The following SCN2A variants were observed in gnomAD, a reference collection of about 807,000 sequenced individuals.
The protein encoded by SCN2A is sodium channel protein type 2 subunit alpha.
A neutral mutation model predicts 188.7 loss-of-function variants in SCN2A; 20 were observed. The ratio of observed to expected loss-of-function variants is 0.11; its 90% confidence interval spans 0.07 to 0.15. SCN2A has a LOEUF of 0.15. SCN2A is among the 10% of genes least tolerant of loss of function. The pLI is 1.00. For missense variants in SCN2A, 1,278 were observed against 2,445.0 expected (o/e 0.52, Z 10.07); for synonymous variants, 804 against 833.1 (o/e 0.97, Z 0.60).
intron 16 of SCN2A, among the ~76,000 whole-genome samples, chr2:165,350,464 C>CTTTCTTTTTTTTTTTTTTT: frequency 1.4e-5 from 1 of 73,848 alleles, no homozygotes; most frequent in Non-Finnish European, 2.5e-5. Flanking sequence ...TGTTTTCTTT[C>CTTTCTTTTTTTTTTTTTTT]TTTTTTTTTT....
intron 3 of SCN2A, among the ~76,000 whole-genome samples, chr2:165,303,889 T>C (rs1696976906): frequency 6.6e-6 from 1 of 152,170 alleles, no homozygotes; most frequent in South Asian, 2.1e-4. Flanking sequence ...AGTGACTAAT[T>C]AGAAAATAAT....
Position 165,239,563 on chromosome 2 carries a change from G to A in SCN2A, c.-129G>A. On this transcript the variant is annotated 5_prime_UTR_variant, in exon 1 of 27. Coordinates refer to ENST00000375437, the MANE Select transcript of SCN2A (RefSeq NM_001040142.2). ...TACTTTCTACTCCAGTAAAAATTCT[G>A]AAGAATTGCATTGGAGACTGTTATA... 1 of 918,860 alleles carries A rather than the reference G, an allele frequency of 1.1e-6. No individual in the cohort carries two copies. Among genetic ancestry groups the A allele is most frequent in the Non-Finnish European group, 1.3e-6 (1 of 769,494 alleles). 56.9% of individuals were successfully genotyped at this position (918,860 alleles called of 1,614,324 possible). A position where few individuals can be genotyped will look rare whatever the true frequency, so the allele number is the denominator to read the frequency against.
intron 11 of SCN2A, among the ~76,000 whole-genome samples, chr2:165,316,268 G>A (rs530063907): frequency 1.6e-4 from 25 of 152,156 alleles, no homozygotes; most frequent in Non-Finnish European, 3.5e-4. Context: ...CTCTCAGATA[G>A]GCAGGTACTG....
chr2:165,305,763 A>G (rs1205062615), intron 3 of SCN2A, among the ~76,000 whole-genome samples: 1 of 152,216 alleles, frequency 6.6e-6, no homozygotes, highest in Non-Finnish European at 1.5e-5. Flanking sequence ...GGCTGAATAT[A>G]TGATAGATAT....
chr2:165,283,952 A>G (rs1431081361), intron 1 of SCN2A, among the ~76,000 whole-genome samples: 1 of 152,098 alleles, frequency 6.6e-6, no homozygotes. Flanking sequence ...ACAAATCAAG[A>G]AGCCAGTAGT....
At chr2:165,311,705 A>G (rs1409372476) in intron 7 of SCN2A, among the ~76,000 whole-genome samples, 1 of 152,142 alleles carries the variant, frequency 6.6e-6, no homozygotes, top group Non-Finnish European at 1.5e-5. Context: ...GCCCAGCAAT[A>G]GACTGGCAGC....
chr2:165,367,459 T>A, intron 19 of SCN2A, 88 bp downstream of exon 19: 1 of 1,405,046 alleles, frequency 7.1e-7, no homozygotes, highest in Non-Finnish European at 1.0e-6. Flanking sequence ...ACTTTTAAAT[T>A]AAGGTGTTTG....
At chr2:165,273,881 G>T (rs1695211997) in intron 1 of SCN2A, 1 of 152,104 alleles carries the variant, frequency 6.6e-6, no homozygotes, top group Non-Finnish European at 1.5e-5. Context: ...GGGGGAGACG[G>T]TAAGTTTTTC....
intron 1 of SCN2A, among the ~76,000 whole-genome samples, chr2:165,254,192 CT>C (rs1375424281): frequency 1.3e-5 from 2 of 151,520 alleles, no homozygotes; most frequent in Non-Finnish European, 3.0e-5. Context: ...TGTTAGATGA[CT>C]TTTAAGCATC....
intron 17 of SCN2A, among the ~76,000 whole-genome samples, chr2:165,358,094 T>C (rs1005946306): frequency 6.6e-6 from 1 of 152,232 alleles, no homozygotes; most frequent in African/African-American, 2.4e-5. Context: ...GAAATTTTAT[T>C]CAATGAAAAG....
chr2:165,362,838 A>G (rs1700533972), intron 17 of SCN2A, among the ~76,000 whole-genome samples: 1 of 152,118 alleles, frequency 6.6e-6, no homozygotes, highest in Admixed American at 6.6e-5. Context: ...AAGGTTGGTG[A>G]ATAGCCTAGG....
intron 1 of SCN2A, among the ~76,000 whole-genome samples, chr2:165,291,528 C>CTTTCTTTCTTT (rs1559340566): frequency 0.048 from 1,318 of 27,236 alleles, 40 homozygotes; most frequent in Admixed American, 0.1. Context: ...TCCTTTCTTT[C>CTTTCTTTCTTT]CTTCCTTCCT....
chr2:165,256,005 T>TTTTTC (rs1553557660), intron 1 of SCN2A, among the ~76,000 whole-genome samples: 13 of 139,686 alleles, frequency 9.3e-5, no homozygotes, highest in Admixed American at 6.5e-4. Context: ...CTTTTCTTTT[T>TTTTTC]TTTTTTTTTT....
intron 19 of SCN2A, among the ~76,000 whole-genome samples, chr2:165,369,816 A>G (rs990639286): frequency 2.6e-5 from 4 of 152,138 alleles, no homozygotes; most frequent in African/African-American, 9.7e-5. Flanking sequence ...AATGAGACCA[A>G]TCTACTCCCA....
chr2:165,276,344 T>C (rs920589226), intron 1 of SCN2A, among the ~76,000 whole-genome samples: 5 of 152,188 alleles, frequency 3.3e-5, no homozygotes, highest in African/African-American at 1.2e-4. Flanking sequence ...TCCAAAGTTA[T>C]TGGGCCATAG....
intron 1 of SCN2A, among the ~76,000 whole-genome samples, chr2:165,254,597 T>C (rs1694238756): frequency 6.6e-6 from 1 of 151,758 alleles, no homozygotes; most frequent in Non-Finnish European, 1.5e-5. Context: ...AAAGTGGTTT[T>C]GCATATTTCT....
At chr2:165,290,031 T>C (rs1304871461) in intron 1 of SCN2A, among the ~76,000 whole-genome samples, 1 of 152,160 alleles carries the variant, frequency 6.6e-6, no homozygotes, top group East Asian at 1.9e-4. Flanking sequence ...TGAGAACTTA[T>C]TTGTATTTTA....
chr2:165,381,563 G>A (rs1011133304), intron 25 of SCN2A, among the ~76,000 whole-genome samples: 1 of 151,936 alleles, frequency 6.6e-6, no homozygotes, highest in Non-Finnish European at 1.5e-5. Flanking sequence ...AGAGGAGACA[G>A]ATCGGAATAA....
In SCN2A at chr2:165,342,452, C is replaced by T; in HGVS notation, c.2545C>T (p.Leu849Phe). Residue 849 changes from leucine to phenylalanine, a missense_variant, in exon 15 of 27, where the codon CTC becomes TTC. By Grantham distance (22) the Leu-to-Phe change is conservative (BLOSUM62 0). Transcript: ENST00000375437. ...GLANVEGLSV[L>F]RSFRLLRVFK... is the part of the protein sequence containing the mutation. ...GGCAAATGTGGAAGGATTGTCAGTT[C>T]TCCGATCATTCCGGCTGGTAAATTA... is the stretch of plus-strand genomic sequence containing the variant. 1 of 1,613,938 alleles carries T rather than the reference C, an allele frequency of 6.2e-7. No individual in the cohort carries two copies.
Sources: gnomAD v4.1 joint callset for allele counts (sites outside exome capture counted in the v4.1 genomes callset) on GRCh38, gnomAD v4.1.1 for gene constraint, MANE v1.5 for transcripts, NCBI Gene and HGNC (gene_info 2026-07-23, HGNC 2026-07-21) for gene names.